SPATA13: variants seen among roughly 807,000 people sequenced by gnomAD.
SPATA13 encodes the protein spermatogenesis associated 13, also known as spermatogenesis-associated protein 13.
Under a neutral mutation model 104.0 loss-of-function variants are expected in SPATA13, and 50 were observed. The ratio of observed to expected loss-of-function variants is 0.48; its 90% CI spans 0.38 to 0.61. SPATA13 has a LOEUF of 0.61. SPATA13 is among the 20% of genes least tolerant of loss of function. The pLI is 0.00. For synonymous variants in SPATA13, 606 were observed against 667.5 expected, an observed-to-expected ratio of 0.91 and a Z score of 1.42; for missense variants, 1,524 against 1,690.6, an observed-to-expected ratio of 0.90 and a Z score of 1.73.
chr13:24,043,819 C>T (rs1878024102), intron 3 of SPATA13, among the ~76,000 whole-genome samples: 1 of 152,146 alleles, frequency 6.6e-6, no homozygotes, highest in Non-Finnish European at 1.5e-5. Context: ...TATTAAATAC[C>T]CTTCCTGACT....
At chr13:24,265,299 A>G (rs17464589) in intron 4 of SPATA13, among the ~76,000 whole-genome samples, 52,895 of 152,052 alleles carry the variant, frequency 0.35, 9,708 homozygotes, top group Middle Eastern at 0.43. Context: ...GTGCTAGGAC[A>G]TGCCATGCCC....
At chr13:24,255,592 T>C (rs1873749480) in intron 4 of SPATA13, among the ~76,000 whole-genome samples, 7 of 152,154 alleles carry the variant, frequency 4.6e-5, no homozygotes, top group Admixed American at 4.6e-4. Context: ...GAGGACCAGG[T>C]TTGCATTGCA....
chr13:24,076,804 A>G (rs1879343347), intron 3 of SPATA13, among the ~76,000 whole-genome samples: 1 of 151,906 alleles, frequency 6.6e-6, no homozygotes, highest in Non-Finnish European at 1.5e-5. Flanking sequence ...GAAGTCAAGC[A>G]GAAGGCAGTC....
intron 2 of SPATA13, among the ~76,000 whole-genome samples, chr13:23,987,285 T>A (rs1245009255): frequency 2.0e-5 from 3 of 152,174 alleles, no homozygotes; most frequent in Non-Finnish European, 4.4e-5. Context: ...GGCTAGCTAT[T>A]AGAATATGTC....
Position 24,294,802 on chromosome 13 carries a change from G to A in SPATA13, c.3144G>A (p.Glu1048=), listed in dbSNP as rs746389838. 5.0e-6 allele frequency: 8 copies of A among 1,611,600 alleles called. No individual in the cohort carries two copies. The Middle Eastern group carries it at 6.6e-4, about 133-fold the overall frequency. Residue 1048 remains glutamate (E), a synonymous_variant, in exon 10 of 13, where the codon GAG becomes GAA. Transcript: ENST00000382108. ...AMKNVACLIN[E]RKRKLESIDK... ...AGAATGTGGCCTGTCTGATCAACGA[G>A]CGCAAGCGCAAGCTGGAGAGCATCG...
At chr13:24,060,552 G>A (rs549530990) in intron 3 of SPATA13, among the ~76,000 whole-genome samples, 1 of 152,262 alleles carries the variant, frequency 6.6e-6, no homozygotes, top group East Asian at 1.9e-4. Context: ...GATGCCAAAA[G>A]CAATTGCAAC....
At chr13:24,170,982 T>C (rs1882944221) in intron 1 of SPATA13, among the ~76,000 whole-genome samples, 1 of 151,928 alleles carries the variant, frequency 6.6e-6, no homozygotes, top group African/African-American at 2.4e-5. Context: ...CTCTGTAAAC[T>C]CATCAGTGCG....
intron 3 of SPATA13, among the ~76,000 whole-genome samples, chr13:24,124,004 C>T (rs945174666): frequency 6.6e-6 from 1 of 152,142 alleles, no homozygotes; most frequent in Non-Finnish European, 1.5e-5. Context: ...ATGCTGGTGC[C>T]GTCCAGCTTG....
intron 4 of SPATA13, among the ~76,000 whole-genome samples, chr13:24,269,204 C>T (rs1022207091): frequency 1.3e-5 from 2 of 152,140 alleles, no homozygotes; most frequent in Non-Finnish European, 2.9e-5. Context: ...CAGTTATCCC[C>T]ACTCCGCAGA....
intron 4 of SPATA13, chr13:24,270,789 T>C: frequency 6.2e-7 from 1 of 1,611,198 alleles, no homozygotes; most frequent in Non-Finnish European, 8.5e-7. Context: ...TCCTCTGTGA[T>C]GCTTGGGGAC....
intron 4 of SPATA13, among the ~76,000 whole-genome samples, chr13:24,255,652 A>T: frequency 6.6e-6 from 1 of 152,234 alleles, no homozygotes; most frequent in East Asian, 1.9e-4. Flanking sequence ...TTAGCAGTAC[A>T]TTAATTATAA....
rs762143258 is a variant in SPATA13, at chr13:24,286,348, C to T, written c.2436C>T (p.Gly812=). The part of the protein sequence containing the change: ...LEASNKDWWW[G]RSEDKEAWFP... ...CCTCCAACAAGGACTGGTGGTGGGG[C>T]CGCAGTGAAGATAAGGAAGCCTGGT... Residue 812 remains glycine (G), a synonymous_variant, in exon 6 of 13, where the codon GGC becomes GGT. Transcript: ENST00000382108. This position sits in a 1 kb window ranked among gnomAD's most constrained non-coding sequence, Gnocchi z 4.9. 1.9e-6 allele frequency: 3 copies of T among 1,613,080 alleles called. No individual in the cohort carries two copies. The highest frequency in any genetic ancestry group is 2.2e-5 in the South Asian group (2 of 91,024).
chr13:23,999,901 A>G (rs1875877914), intron 2 of SPATA13, among the ~76,000 whole-genome samples: 1 of 152,224 alleles, frequency 6.6e-6, no homozygotes, highest in African/African-American at 2.4e-5. Context: ...GTTATTGTTA[A>G]TATTACTGGC....
At chr13:24,069,665 A>AT (rs1879091037) in intron 3 of SPATA13, among the ~76,000 whole-genome samples, 1 of 151,900 alleles carries the variant, frequency 6.6e-6, no homozygotes, top group Non-Finnish European at 1.5e-5. Context: ...ATTTTTCTTA[A>AT]TTTTACATTC....
chr13:24,163,424 A>T (rs1228882152), intron 1 of SPATA13, among the ~76,000 whole-genome samples: 2 of 152,174 alleles, frequency 1.3e-5, no homozygotes, highest in Admixed American at 6.5e-5. Flanking sequence ...AAGTTAAATT[A>T]AAAAAGAAGA....
intron 3 of SPATA13, among the ~76,000 whole-genome samples, chr13:24,136,930 C>T (rs1383152112): frequency 5.5e-4 from 30 of 54,654 alleles, no homozygotes; most frequent in South Asian, 1.4e-3. Flanking sequence ...CCCAGGTTCA[C>T]GCCATTCTCC....
intron 11 of SPATA13, 73 bp downstream of exon 11, chr13:24,297,808 G>A: frequency 6.6e-7 from 1 of 1,509,914 alleles, no homozygotes; most frequent in Non-Finnish European, 8.9e-7. Context: ...ACTCCCATGG[G>A]CCTGCTCTGC....
At chr13:24,181,837 G>A (rs1251703467) in intron 1 of SPATA13, among the ~76,000 whole-genome samples, 3 of 24,106 alleles carry the variant, frequency 1.2e-4, no homozygotes, top group East Asian at 2.2e-3. Context: ...AGTATAGGCC[G>A]GGTGTGGTGG....
At chr13:24,048,032 T>C (rs944703101) in intron 3 of SPATA13, among the ~76,000 whole-genome samples, 3 of 152,186 alleles carry the variant, frequency 2.0e-5, no homozygotes, top group Non-Finnish European at 4.4e-5. Flanking sequence ...CCCTGATGCC[T>C]TTCTGTTCTA....
Sources: allele counts gnomAD v4.1 joint callset (sites outside exome capture counted in the v4.1 genomes callset), GRCh38; gene constraint gnomAD v4.1.1; non-coding constraint Gnocchi (gnomAD v3.1); transcripts MANE v1.5; gene names NCBI Gene and HGNC (gene_info 2026-07-23, HGNC 2026-07-21).